FRMPD3: variants seen among roughly 807,000 people sequenced by gnomAD.
FRMPD3 encodes the protein FERM and PDZ domain containing 3, also known as FERM and PDZ domain-containing protein 3.
In FRMPD3, 42 loss-of-function variants were observed where a neutral mutation model predicts 97.9. The observed-to-expected ratio is 0.43, with a 90% CI of 0.34 to 0.55. The LOEUF (loss-of-function observed/expected upper bound fraction) is 0.55. Ranked by LOEUF, FRMPD3 falls within the 20% of genes least tolerant of loss-of-function variation. FRMPD3 has a pLI of 0.03. For missense variants in FRMPD3, 1,303 were observed against 1,457.7 expected, an observed-to-expected ratio of 0.89 and a Z score of 1.73; for synonymous variants, 577 against 581.1, an observed-to-expected ratio of 0.99 and a Z score of 0.10.
At chrX:107,553,225 C>T (rs1921938820) in intron 7 of FRMPD3, among the ~76,000 whole-genome samples, 1 of 109,011 alleles carries the variant, frequency 9.2e-6, no homozygotes, top group South Asian at 4.1e-4. Flanking sequence ...CTCCTGGAAA[C>T]CCCACATGAT....
intron 12 of FRMPD3, among the ~76,000 whole-genome samples, chrX:107,572,146 T>G: frequency 8.9e-6 from 1 of 112,433 alleles, no homozygotes; most frequent in Non-Finnish European, 1.9e-5. Flanking sequence ...CATCTTTCAC[T>G]TGGTCATGTT....
chrX:107,503,780 C>T (rs1163857779), intron 1 of FRMPD3, among the ~76,000 whole-genome samples: 1 of 111,973 alleles, frequency 8.9e-6, no homozygotes, highest in East Asian at 2.8e-4. Context: ...AGAGCAGTGG[C>T]AGCTGGTCCA....
chrX:107,583,507 G>A (rs912359767), intron 13 of FRMPD3, among the ~76,000 whole-genome samples: 6 of 111,914 alleles, frequency 5.4e-5, no homozygotes, highest in African/African-American at 1.3e-4. Flanking sequence ...ATTTGGGTTG[G>A]TTCCATGACT....
At chrX:107,474,217 T>A (rs1183639423) in intron 1 of FRMPD3, among the ~76,000 whole-genome samples, 1 of 112,273 alleles carries the variant, frequency 8.9e-6, no homozygotes, top group African/African-American at 3.2e-5. Context: ...TGGCCACAAC[T>A]TGCCCTGGCC....
intron 1 of FRMPD3, among the ~76,000 whole-genome samples, chrX:107,514,357 T>C (rs1411152844): frequency 9.0e-6 from 1 of 110,827 alleles, no homozygotes; most frequent in Non-Finnish European, 1.9e-5. Flanking sequence ...TTTTGCAATA[T>C]CTGTAGAGAC....
chrX:107,455,694 T>C (rs1931365269), intron 1 of FRMPD3, among the ~76,000 whole-genome samples: 1 of 111,967 alleles, frequency 8.9e-6, no homozygotes, highest in Non-Finnish European at 1.9e-5. Context: ...GACCAAATAC[T>C]TGTTGATTCA....
rs1331556390 is a variant in FRMPD3, at chrX:107,603,622, C to G, written c.*249C>G. 3 of 427,732 alleles carry G rather than the reference C, an allele frequency of 7.0e-6. No individual in the cohort carries two copies. Among genetic ancestry groups the G allele is most frequent in the Non-Finnish European group, 1.1e-5 (3 of 268,200 alleles). The allele number at this position is 427,732 out of a possible 1,213,427, so 35.2% of individuals were successfully genotyped here. On this transcript the variant is annotated 3_prime_UTR_variant, in exon 15 of 15. Transcript: ENST00000683843. ...CCTCACTGTGAGGGCAAAGGCCCCTCTTCACTCTGCTCACAGCAGAGCTGT... is the reference window on the plus strand; with the variant it reads ...CCTCACTGTGAGGGCAAAGGCCCCTGTTCACTCTGCTCACAGCAGAGCTGT...
At position 107,502,871 on chromosome X, in the gene FRMPD3, C is replaced by T. The variant is rs139338379; in HGVS notation, c.-7-23711C>T. On this transcript the variant is annotated intron_variant, in intron 1 of 14. Coordinates refer to ENST00000683843, the MANE Select transcript of FRMPD3 (RefSeq NM_001388459.1). ...GGCCAGGCATTAACCCCTAAGCTGC[C>T]GGATCTGAAGCAGTGTTGGGGGTGT... Among the ~76,000 whole-genome samples the T allele has an allele frequency of 7.3e-3, 816 of 112,457 alleles. 3 individuals carry two copies. The highest frequency in any genetic ancestry group is 0.023 in the African/African-American group (710 of 30,919).
intron 1 of FRMPD3, among the ~76,000 whole-genome samples, chrX:107,511,858 C>G (rs913776295): frequency 8.9e-6 from 1 of 111,853 alleles, no homozygotes; most frequent in Non-Finnish European, 1.9e-5. Flanking sequence ...CCTCTTCTGG[C>G]TTAGCATTCT....
chrX:107,582,057 C>T (rs1206837342), intron 13 of FRMPD3, among the ~76,000 whole-genome samples: 2 of 111,828 alleles, frequency 1.8e-5, no homozygotes, highest in Non-Finnish European at 3.8e-5. Flanking sequence ...CAAATGGTAA[C>T]TCCATGTTTA....
chrX:107,572,302 T>C (rs935503813), intron 12 of FRMPD3, among the ~76,000 whole-genome samples: 1 of 111,551 alleles, frequency 9.0e-6, no homozygotes, highest in Non-Finnish European at 1.9e-5. Context: ...TGCTGGAGTA[T>C]AAGGTGAGGG....
intron 12 of FRMPD3, among the ~76,000 whole-genome samples, chrX:107,566,722 C>G (rs1922618844): frequency 8.8e-6 from 1 of 113,097 alleles, no homozygotes; most frequent in East Asian, 2.7e-4. Context: ...GGGTGAAACC[C>G]AGGCATCAGG....
At chrX:107,496,739 C>T (rs1921784293) in intron 1 of FRMPD3, among the ~76,000 whole-genome samples, 1 of 111,279 alleles carries the variant, frequency 9.0e-6, no homozygotes, top group East Asian at 2.8e-4. Context: ...ACAGAGAGCT[C>T]CGCAGCTCTC....
chrX:107,554,015 G>C (rs1179308189), intron 7 of FRMPD3, among the ~76,000 whole-genome samples: 1 of 111,245 alleles, frequency 9.0e-6, no homozygotes, highest in African/African-American at 3.3e-5. Context: ...TACTCTGCTT[G>C]AGGCTGAGCC....
chrX:107,460,735 A>G (rs903689796), intron 1 of FRMPD3, among the ~76,000 whole-genome samples: 6 of 111,170 alleles, frequency 5.4e-5, no homozygotes, highest in Non-Finnish European at 7.5e-5. Flanking sequence ...TCCTGTATCA[A>G]TATGGCCAGG....
At chrX:107,519,816 A>G (rs2047484706) in intron 1 of FRMPD3, among the ~76,000 whole-genome samples, 2 of 111,984 alleles carry the variant, frequency 1.8e-5, no homozygotes, top group Non-Finnish European at 3.8e-5. Context: ...TGAATTTTGC[A>G]AAAGAAAAAC....
In FRMPD3 at chrX:107,467,843, G is replaced by A. The variant is rs144676979; in HGVS notation, c.-8+17838G>A. Among the ~76,000 whole-genome samples, 421 of 111,127 alleles carry A rather than the reference G, an allele frequency of 3.8e-3. 3 individuals are homozygous for A. The highest frequency in any genetic ancestry group is 0.013 in the African/African-American group (403 of 30,219). On this transcript the variant is annotated intron_variant, in intron 1 of 14. Coordinates refer to ENST00000683843, the MANE Select transcript of FRMPD3 (RefSeq NM_001388459.1). ...CTAGCCACCCTGCAGTTTAGGTACC[G>A]AATGCCAGCTCCTGTTCTAAGACCA...
At chrX:107,501,724 G>T (rs941143979) in intron 1 of FRMPD3, among the ~76,000 whole-genome samples, 1 of 105,976 alleles carries the variant, frequency 9.4e-6, no homozygotes, top group South Asian at 4.4e-4. Context: ...TGGGGACTCA[G>T]TTGGGGCCTC....
chrX:107,452,940 C>A (rs1399543824), intron 1 of FRMPD3, among the ~76,000 whole-genome samples: 2 of 109,901 alleles, frequency 1.8e-5, no homozygotes, highest in Admixed American at 9.6e-5. Context: ...AGAGGAGTCT[C>A]GGGTGGGATG....
Sources: gnomAD v4.1 joint callset for allele counts (sites outside exome capture counted in the v4.1 genomes callset) on GRCh38, gnomAD v4.1.1 for gene constraint, MANE v1.5 for transcripts, NCBI Gene and HGNC (gene_info 2026-07-23, HGNC 2026-07-21) for gene names.